Variants in LARGE1 observed in about 807,000 individuals in gnomAD.
The protein encoded by LARGE1 is xylosyl- and glucuronyltransferase LARGE1.
In LARGE1, 43 loss-of-function variants were observed where a neutral mutation model predicts 87.6. The ratio of observed to expected loss-of-function variants is 0.49; its 90% CI spans 0.38 to 0.63. LARGE1 has a LOEUF of 0.63. LARGE1 is among the 30% of genes least tolerant of loss of function. The pLI, the probability that LARGE1 is intolerant of heterozygous loss-of-function variation, is 0.00. For missense variants in LARGE1, 802 were observed against 1,000.2 expected, an observed-to-expected ratio of 0.80 and a Z score of 2.67; for synonymous variants, 434 against 394.6, an observed-to-expected ratio of 1.10 and a Z score of -1.18.
the LARGE1 span, among the ~76,000 whole-genome samples, chr22:33,120,388 T>TTCTTTC: frequency 6.2e-5 from 6 of 97,166 alleles, no homozygotes; most frequent in African/African-American, 3.8e-4. Context: ...CTTTCTTTCT[T>TTCTTTC]TCTTTCTTTC....
intron 11 of LARGE1, among the ~76,000 whole-genome samples, chr22:33,312,450 A>G (rs535263891): frequency 6.6e-6 from 1 of 152,136 alleles, no homozygotes; most frequent in South Asian, 2.1e-4. Flanking sequence ...AAAAAAAAAA[A>G]AAAAAAAAAA....
At chr22:33,766,421 C>T (rs1263612235) in intron 1 of LARGE1, among the ~76,000 whole-genome samples, 1 of 152,052 alleles carries the variant, frequency 6.6e-6, no homozygotes, top group Non-Finnish European at 1.5e-5. Flanking sequence ...AAAAAATCAC[C>T]ATGATCTGTT....
At chr22:33,434,001 T>C (rs1193488824) in intron 6 of LARGE1, among the ~76,000 whole-genome samples, 1 of 152,240 alleles carries the variant, frequency 6.6e-6, no homozygotes, top group Non-Finnish European at 1.5e-5. Context: ...ACTTTGTCAT[T>C]GTATATGATG....
chr22:33,550,429 T>C (rs2077492887), intron 6 of LARGE1, among the ~76,000 whole-genome samples: 2 of 152,076 alleles, frequency 1.3e-5, no homozygotes, highest in Non-Finnish European at 2.9e-5. Context: ...GGGCATAGGA[T>C]AGAGGGAAGA....
the LARGE1 span, among the ~76,000 whole-genome samples, chr22:33,136,159 A>T: frequency 6.6e-6 from 1 of 152,228 alleles, no homozygotes; most frequent in Non-Finnish European, 1.5e-5. Flanking sequence ...CCAAAAGTTC[A>T]TATTCTTAAA....
At chr22:33,526,803 C>A (rs1235355615) in intron 6 of LARGE1, among the ~76,000 whole-genome samples, 1 of 152,210 alleles carries the variant, frequency 6.6e-6, no homozygotes, top group Non-Finnish European at 1.5e-5. Context: ...ATCAAATACT[C>A]AATTAATCCA....
intron 10 of LARGE1, among the ~76,000 whole-genome samples, chr22:33,328,444 G>C (rs11912943): frequency 0.033 from 5,023 of 152,138 alleles, 259 homozygotes; most frequent in African/African-American, 0.11. Flanking sequence ...GCCTGGCATG[G>C]TGGCAGGTGC....
At chr22:33,139,575 T>G in the LARGE1 span, among the ~76,000 whole-genome samples, 1 of 152,200 alleles carries the variant, frequency 6.6e-6, no homozygotes, top group Non-Finnish European at 1.5e-5. Context: ...TATACCCCTC[T>G]AGTAAATTTT....
chr22:33,723,550 C>G (rs2083173332), intron 2 of LARGE1, among the ~76,000 whole-genome samples: 1 of 152,154 alleles, frequency 6.6e-6, no homozygotes, highest in Non-Finnish European at 1.5e-5. Flanking sequence ...ACACTGATAT[C>G]AGGCGGATTT....
chr22:33,825,215 T>C (rs2062744598), intron 1 of LARGE1, among the ~76,000 whole-genome samples: 1 of 152,152 alleles, frequency 6.6e-6, no homozygotes. Context: ...AGGAAATCCT[T>C]TGTAAAGGAA....
At chr22:33,516,834 T>A (rs1247711723) in intron 6 of LARGE1, among the ~76,000 whole-genome samples, 1 of 152,076 alleles carries the variant, frequency 6.6e-6, no homozygotes. Flanking sequence ...TGCGCCCACC[T>A]CGGCCTCCCA....
In LARGE1 at chr22:33,911,802, A is replaced by G. The variant is rs73882350; in HGVS notation, c.-83+8193T>C. Among the ~76,000 whole-genome samples the G allele has an allele frequency of 6.2e-3, 947 of 151,750 alleles. 9 individuals carry two copies. Among genetic ancestry groups the G allele is most frequent in the African/African-American group, 0.022 (899 of 41,034 alleles). On this transcript the variant is annotated intron_variant, in intron 1 of 14. Transcript: ENST00000397394. ...GTTTGAACCACAACAATGATCCTTC[A>G]GAGAATTCATTCTGCTGATCTGAAA...
intron 1 of LARGE1, among the ~76,000 whole-genome samples, chr22:33,852,825 C>T (rs1375535886): frequency 7.5e-6 from 1 of 132,904 alleles, no homozygotes; most frequent in Non-Finnish European, 1.5e-5. Flanking sequence ...CGCTGCACTC[C>T]AGCGTGGGCA....
At chr22:33,780,889 C>T (rs1407812221) in intron 1 of LARGE1, among the ~76,000 whole-genome samples, 1 of 152,210 alleles carries the variant, frequency 6.6e-6, no homozygotes, top group Non-Finnish European at 1.5e-5. Flanking sequence ...TCACACAACA[C>T]ATTAGACAGA....
the LARGE1 span, among the ~76,000 whole-genome samples, chr22:33,123,370 A>AG: frequency 1.8e-5 from 2 of 108,608 alleles, no homozygotes; most frequent in South Asian, 9.7e-4. Flanking sequence ...ATGGAAAATG[A>AG]GGTTTTTTTC....
At chr22:33,510,566 T>C (rs1455248736) in intron 6 of LARGE1, among the ~76,000 whole-genome samples, 1 of 152,088 alleles carries the variant, frequency 6.6e-6, no homozygotes, top group Non-Finnish European at 1.5e-5. Context: ...GGCTAAAAAC[T>C]GGTTTGGTGT....
intron 11 of LARGE1, among the ~76,000 whole-genome samples, chr22:33,222,961 G>A (rs1430827019): frequency 6.6e-6 from 1 of 152,154 alleles, no homozygotes; most frequent in East Asian, 1.9e-4. Flanking sequence ...AATGGGGTCT[G>A]CCTACCTGCA....
chr22:33,770,059 A>G lies in LARGE1; in HGVS notation c.-82-8501T>C, dbSNP rs1004156521. 1.3e-4 allele frequency among the ~76,000 whole-genome samples: 20 copies of G among 152,364 alleles called. No individual in the cohort carries two copies. The East Asian group carries it at 2.7e-3, about 21-fold the overall frequency. ...ATGGAAAACCCAGAAGCAATCATAG[A>G]ACATAATATGCAAAGTGTGCAAATG... On this transcript the variant is annotated intron_variant, in intron 1 of 14. Coordinates refer to ENST00000397394, the MANE Select transcript of LARGE1 (RefSeq NM_133642.5).
At chr22:33,232,086 C>T (rs1339181136) in intron 11 of LARGE1, among the ~76,000 whole-genome samples, 1 of 152,170 alleles carries the variant, frequency 6.6e-6, no homozygotes, top group Non-Finnish European at 1.5e-5. Context: ...AAACTAGGTC[C>T]CTCTGCTTCC....
Sources: gnomAD v4.1 joint callset for allele counts (sites outside exome capture counted in the v4.1 genomes callset) on GRCh38, gnomAD v4.1.1 for gene constraint, MANE v1.5 for transcripts, NCBI Gene and HGNC (gene_info 2026-07-23, HGNC 2026-07-21) for gene names.